Variants in SPEG observed in about 807,000 individuals in gnomAD.
SPEG encodes the protein striated muscle enriched protein kinase.
In SPEG, 114 loss-of-function variants were observed where a neutral mutation model predicts 300.4. The observed-to-expected ratio is 0.38, with a 90% CI of 0.33 to 0.44. SPEG has a LOEUF of 0.44. Among genes scored for constraint, SPEG ranks in the 20% least tolerant of loss-of-function variants. The pLI is 1.00. For missense variants in SPEG, 4,201 were observed against 4,586.2 expected (o/e 0.92, Z 2.43); for synonymous variants, 1,964 against 2,018.9 (o/e 0.97, Z 0.73).
At position 219,462,323 on chromosome 2, in the gene SPEG, G is replaced by C. The variant is rs1420970474; in HGVS notation, c.2642G>C (p.Arg881Thr). The change falls in exon 8 of 41, where the codon AGA becomes ACA. Residue 881 changes from arginine (R) to threonine (T), a missense_variant. Arg to Thr is a moderately conservative substitution (Grantham distance 71). This residue lies in a region of SPEG where 1,047 missense variants were observed against 1,356.8 expected (regional missense o/e 0.77). Coordinates refer to ENST00000312358, the MANE Select transcript of SPEG (RefSeq NM_005876.5). ...FKVSLMDQSV[R>T]EGQDVIMSIR... is the part of the protein sequence containing the mutation. ...GTCTCACTTATGGACCAGTCAGTAA[G>C]AGAAGGCCAAGATGTCATCATGAGC... The C allele has an allele frequency of 1.9e-6, 3 of 1,570,142 alleles. No homozygotes were observed. The highest frequency in any genetic ancestry group is 1.8e-5 in the Admixed American group (1 of 54,280).
intron 1 of SPEG, among the ~76,000 whole-genome samples, chr2:219,438,323 A>G (rs1559360276): frequency 6.6e-6 from 1 of 152,190 alleles, no homozygotes; most frequent in African/African-American, 2.4e-5. Flanking sequence ...CTGGGGTTCA[A>G]AGAGGAAATT....
At position 219,443,606 on chromosome 2, in the gene SPEG, G is replaced by A. The variant is rs576373969; in HGVS notation, c.389-1047G>A. The A allele has an allele frequency of 3.5e-6, 1 of 287,300 alleles. No homozygotes were observed. The highest frequency in any genetic ancestry group is 6.8e-6 in the Non-Finnish European group (1 of 146,042). The allele number at this position is 287,300 out of a possible 1,614,324, so 17.8% of individuals were successfully genotyped here. A position where few individuals can be genotyped will look rare whatever the true frequency, so the allele number is the denominator to read the frequency against. ...AGAAGGGAGGGACCTTGAGGAAGGTGCCTGTCACATCATGATGCAGACAGA... is the reference window on the plus strand; with the variant it reads ...AGAAGGGAGGGACCTTGAGGAAGGTACCTGTCACATCATGATGCAGACAGA... On this transcript the variant is annotated intron_variant, in intron 1 of 40. Coordinates refer to ENST00000312358, the MANE Select transcript of SPEG (RefSeq NM_005876.5). The surrounding 1 kb of genome is among the most constrained non-coding windows in gnomAD (Gnocchi z 4.6).
rs985172319 is a variant in SPEG at position 219,458,701 on chromosome 2, C to A, written c.2441-3181C>A. ...CAGTGAAGGGGGCTTAGTGATACCA[C>A]CTCTTAGGGCTGTCCTCCTCCCATA... On this transcript the variant is annotated intron_variant, in intron 6 of 40. Coordinates refer to ENST00000312358, the MANE Select transcript of SPEG (RefSeq NM_005876.5). The surrounding 1 kb of genome is among the most constrained non-coding windows in gnomAD (Gnocchi z 4.2). Among the ~76,000 whole-genome samples, 1 of 152,188 alleles carries A rather than the reference C, an allele frequency of 6.6e-6. No homozygotes were observed. The highest frequency in any genetic ancestry group is 1.5e-5 in the Non-Finnish European group (1 of 68,044).
In SPEG at chr2:219,448,245, C is replaced by T. The variant is rs990032172; in HGVS notation, c.1087C>T (p.Pro363Ser). Residue 363 changes from proline (P) to serine (S), a missense_variant, in exon 4 of 41, where the codon CCC becomes TCC. Pro to Ser is a moderately conservative substitution (Grantham distance 74, BLOSUM62 -1). Transcript: ENST00000312358. Reference sequence around the variant, plus strand: ...AGGGAAGAAGTCCAAGTCGTCCGGGCCCTCCCTGGCGGGCACCGCGGAATC... The same window carrying T: ...AGGGAAGAAGTCCAAGTCGTCCGGGTCCTCCCTGGCGGGCACCGCGGAATC... ...KRGKKSKSSG[P>S]SLAGTAESRP... is the part of the protein sequence containing the mutation. 1.9e-6 allele frequency: 3 copies of T among 1,612,278 alleles called. No individual in the cohort carries two copies. Among genetic ancestry groups the T allele is most frequent in the African/African-American group, 2.7e-5 (2 of 74,896 alleles).
chr2:219,470,329 C>T (rs1363212643), intron 13 of SPEG, among the ~76,000 whole-genome samples: 1 of 152,176 alleles, frequency 6.6e-6, no homozygotes, highest in Non-Finnish European at 1.5e-5. Context: ...ATGTCCCTGT[C>T]ACCCATGCTG....
chr2:219,479,020 C>T lies in SPEG; in HGVS notation c.5028-124C>T, dbSNP rs1418044240. On this transcript the variant is annotated intron_variant, in intron 22 of 40. Transcript: ENST00000312358. The surrounding 1 kb of genome is among the most constrained non-coding windows in gnomAD (Gnocchi z 5.5). ...ACGTGGAGGAGCGGAGAGGCAGTCTCTGGCTAGTATCAAGCATTCTGTAAG... is the reference window on the plus strand; with the variant it reads ...ACGTGGAGGAGCGGAGAGGCAGTCTTTGGCTAGTATCAAGCATTCTGTAAG... 1 of 802,142 alleles carries T rather than the reference C, an allele frequency of 1.2e-6. No individual in the cohort carries two copies. Among genetic ancestry groups the T allele is most frequent in the East Asian group, 2.7e-5 (1 of 37,578 alleles). 49.7% of individuals were successfully genotyped at this position (802,142 alleles called of 1,614,324 possible).
In SPEG at chr2:219,451,695, G is replaced by A. The variant is rs1489005224; in HGVS notation, c.2328G>A (p.Arg776=). The change falls in exon 6 of 41, where the codon CGG becomes CGA. Residue 776 remains arginine, a synonymous_variant. Coordinates refer to ENST00000312358, the MANE Select transcript of SPEG (RefSeq NM_005876.5). This position sits in a 1 kb window ranked among gnomAD's most constrained non-coding sequence, Gnocchi z 6.4. ...TCCTCCTCCGGGCTGAGGGTGAGCG[G>A]CACACCCTGCTGCTCAGGGAGGCCA... ...GRLLLRAEGE[R]HTLLLREARA... 1 of 1,575,422 alleles carries A rather than the reference G, an allele frequency of 6.3e-7. No individual in the cohort carries two copies.
Position 219,477,470 on chromosome 2 carries a change from T to C in SPEG, c.4729+25T>C. 1 of 1,549,030 alleles carries C rather than the reference T, an allele frequency of 6.5e-7. No individual in the cohort carries two copies. The highest frequency in any genetic ancestry group is 8.7e-7 in the Non-Finnish European group (1 of 1,145,312). On this transcript the variant is annotated intron_variant, in intron 20 of 40. Transcript: ENST00000312358. The surrounding 1 kb of genome is among the most constrained non-coding windows in gnomAD (Gnocchi z 6.4). ...GGTAGGCAGGAGTTCCGGAGAAAGG[T>C]AAAGCGCACACCCCCTGGAATCTGA...
chr2:219,489,651 A>C lies in SPEG; in HGVS notation c.8633A>C (p.Asp2878Ala), dbSNP rs1237842819. ...AGTGAGCCCAAGCCTTTCGTCCTTGACACTGGGACCCCGATCCCAGCCTCC... is the reference window on the plus strand; with the variant it reads ...AGTGAGCCCAAGCCTTTCGTCCTTGCCACTGGGACCCCGATCCCAGCCTCC... Reference protein sequence around the residue: ...TPSEPKPFVLDTGTPIPASTP... With the variant: ...TPSEPKPFVLATGTPIPASTP... The change falls in exon 36 of 41, where the codon GAC becomes GCC. Residue 2878 changes from aspartate to alanine, a missense_variant. This residue lies in a region of SPEG where 1,578 missense variants were observed against 1,506.0 expected (regional missense o/e 1.05). Transcript: ENST00000312358. 6 of 1,613,952 alleles carry C rather than the reference A, an allele frequency of 3.7e-6. No homozygotes were observed. Among genetic ancestry groups the C allele is most frequent in the Non-Finnish European group, 5.1e-6 (6 of 1,179,998 alleles).
rs771894849 is a variant in SPEG at position 219,449,079 on chromosome 2, C to T, written c.1921C>T (p.Leu641=). The T allele has an allele frequency of 3.3e-6, 5 of 1,513,842 alleles. No individual in the cohort carries two copies. Among genetic ancestry groups the T allele is most frequent in the African/African-American group, 2.9e-5 (2 of 68,986 alleles). 93.8% of individuals were successfully genotyped at this position (1,513,842 alleles called of 1,614,324 possible). ...REPPAQAVRF[L]PWATPGLEGA... is the part of the protein sequence containing the mutation. The stretch of plus-strand genomic sequence containing the variant: ...GCCCCCGGCGCAGGCCGTGCGCTTC[C>T]TGCCCTGGGCCACGCCGGGCCTGGA... The change falls in exon 4 of 41, where the codon CTG becomes TTG. Residue 641 remains leucine, a synonymous_variant. Coordinates refer to ENST00000312358, the MANE Select transcript of SPEG (RefSeq NM_005876.5).
At position 219,492,679 on chromosome 2, in the gene SPEG, T is replaced by G; in HGVS notation, c.9697T>G (p.Phe3233Val). The G allele has an allele frequency of 6.2e-7, 1 of 1,610,388 alleles. No individual in the cohort carries two copies. Among genetic ancestry groups the G allele is most frequent in the Non-Finnish European group, 8.5e-7 (1 of 1,179,954 alleles). The change falls in exon 41 of 41, where the codon TTC (phenylalanine) becomes GTC (valine). Residue 3233 changes from phenylalanine to valine, a missense_variant. Phe to Val is a conservative substitution (Grantham distance 50, BLOSUM62 -1). Around this residue, in one of 4 missense-constraint regions of SPEG, gnomAD observed 318 missense variants for 429.5 expected, o/e 0.74. Transcript: ENST00000312358. ...GAAGCTGCGCCGCCAGACGCTCACC[T>G]TCACCACCAACCGGCTCAAGGAGTT... Reference protein sequence around the residue: ...LMKLRRQTLTFTTNRLKEFLG... With the variant: ...LMKLRRQTLTVTTNRLKEFLG...
chr2:219,480,724 C>T lies in SPEG; in HGVS notation c.5369+27C>T. 6.2e-7 allele frequency: 1 copy of T among 1,612,168 alleles called. No individual in the cohort carries two copies. The highest frequency in any genetic ancestry group is 1.1e-5 in the South Asian group (1 of 91,054). On this transcript the variant is annotated intron_variant, in intron 26 of 40. Coordinates refer to ENST00000312358, the MANE Select transcript of SPEG (RefSeq NM_005876.5). The surrounding 1 kb of genome is among the most constrained non-coding windows in gnomAD (Gnocchi z 5.3). ...TAAGGACCCCTCTGCAATGTCCCAG[C>T]AGTCTCCTGGCAGGTCTACCCCTAA...
rs372559706 is a variant in SPEG, at chr2:219,489,402, G to A, written c.8384G>A (p.Arg2795Gln). The A allele has an allele frequency of 2.6e-5, 42 of 1,611,154 alleles. No individual in the cohort carries two copies. In the African/African-American group the frequency reaches 4.5e-4, roughly 17 times the overall value. Residue 2795 changes from arginine (R) to glutamine (Q), a missense_variant, in exon 36 of 41, where the codon CGG becomes CAG. Physicochemically the swap from Arg to Gln is conservative, Grantham distance 43. Transcript: ENST00000312358. ...GTCACCTCAAGGCCAGCCAGGGCCC[G>A]GCCTCCTGACTCTCCTACCTCACTG... ...APVTSRPARA[R>Q]PPDSPTSLAP...
In SPEG at chr2:219,464,829, A is replaced by G. The variant is rs1252787562; in HGVS notation, c.2881+221A>G. 4 of 543,534 alleles carry G rather than the reference A, an allele frequency of 7.4e-6. No individual in the cohort carries two copies. The Admixed American group carries it at 1.0e-4, about 14-fold the overall frequency. 33.7% of individuals were successfully genotyped at this position (543,534 alleles called of 1,614,324 possible). ...CACATTGTTCCGTGCTCAGCTTACT[A>G]CACAACACCACCTTCCCTGTTGCTC... On this transcript the variant is annotated intron_variant, in intron 9 of 40. Transcript: ENST00000312358. This position sits in a 1 kb window ranked among gnomAD's most constrained non-coding sequence, Gnocchi z 4.5.
At chr2:219,476,758 A>T in intron 18 of SPEG, 112 bp from the exon 19 acceptor site, 1 of 760,740 alleles carries the variant, frequency 1.3e-6, no homozygotes, top group Admixed American at 2.3e-5. Flanking sequence ...GCGGGGGTCT[A>T]GCGTTCTGAC....
chr2:219,440,782 C>T (rs894055960), intron 1 of SPEG, among the ~76,000 whole-genome samples: 13 of 152,166 alleles, frequency 8.5e-5, no homozygotes, highest in Non-Finnish European at 1.9e-4. Flanking sequence ...TCTCAGTCTT[C>T]CTCTTGTCGT....
In SPEG at chr2:219,467,105, G is replaced by A. The variant is rs546198031; in HGVS notation, c.2882-69G>A. The stretch of plus-strand genomic sequence containing the variant: ...TGTCTGTCTGTCTCTCTGTGCGTGC[G>A]TATGTGTGTCTCCCTCACCCTGTGT... On this transcript the variant is annotated intron_variant, in intron 9 of 40. Coordinates refer to ENST00000312358, the MANE Select transcript of SPEG (RefSeq NM_005876.5). The A allele has an allele frequency of 1.8e-5, 27 of 1,480,764 alleles. 1 individual carries two copies. The highest frequency in any genetic ancestry group is 1.7e-4 in the South Asian group (13 of 76,780). The allele number at this position is 1,480,764 out of a possible 1,614,324, so 91.7% of individuals were successfully genotyped here.
At chr2:219,449,433 G>T (rs1251539165) in intron 4 of SPEG, among the ~76,000 whole-genome samples, 162 bp downstream of exon 4, 1 of 152,234 alleles carries the variant, frequency 6.6e-6, no homozygotes, top group Non-Finnish European at 1.5e-5. Flanking sequence ...ACACAGGCTC[G>T]ACTTTGAGTG....
chr2:219,460,408 A>G (rs772409002), intron 6 of SPEG: 1 of 985,430 alleles, frequency 1.0e-6, no homozygotes, highest in Non-Finnish European at 1.2e-6. Flanking sequence ...GGGGCAACAC[A>G]GGGAACATTT....
Sources: allele counts gnomAD v4.1 joint callset (sites outside exome capture counted in the v4.1 genomes callset), GRCh38; gene constraint gnomAD v4.1.1; regional missense constraint gnomAD v4.1.1; non-coding constraint Gnocchi (gnomAD v3.1); transcripts MANE v1.5; gene names NCBI Gene and HGNC (gene_info 2026-07-23, HGNC 2026-07-21).